The following CPB2 variants were observed in gnomAD, a reference collection of about 807,000 sequenced individuals.
CPB2 encodes carboxypeptidase B-like protein.
CPB2 carries 54 observed loss-of-function variants against 57.0 expected under a neutral mutation model. The observed-to-expected ratio is 0.95, with a 90% CI of 0.76 to 1.19. The LOEUF (loss-of-function observed/expected upper bound fraction) is 1.19, where lower values mean the gene tolerates loss of function less well. CPB2 is among the 50% of genes most tolerant of loss of function. The pLI, the probability that CPB2 is intolerant of heterozygous loss-of-function variation, is 0.00. For missense variants in CPB2, 426 were observed against 512.0 expected (o/e 0.83, Z 1.62); for synonymous variants, 189 against 178.1 (o/e 1.06, Z -0.49).
intron 2 of CPB2, 25 bp from the exon 3 acceptor site, chr13:46,084,368 TAA>T: frequency 6.2e-7 from 1 of 1,611,430 alleles, no homozygotes; most frequent in South Asian, 1.1e-5. Context: ...GCAAAATTGA[TAA>T]AATTAAAAAA....
intron 4 of CPB2, among the ~76,000 whole-genome samples, chr13:46,080,717 T>C (rs1163139423): frequency 6.6e-6 from 1 of 152,068 alleles, no homozygotes; most frequent in Non-Finnish European, 1.5e-5. Context: ...ACACCTGTAA[T>C]CCTAGAATTT....
chr13:46,089,150 C>CTT (rs5803328), intron 1 of CPB2, among the ~76,000 whole-genome samples: 16 of 150,782 alleles, frequency 1.1e-4, no homozygotes, highest in Non-Finnish European at 2.1e-4. Flanking sequence ...AAATAGACTT[C>CTT]TTTTTTTTTC....
rs758445356 is a variant in CPB2, at chr13:46,082,484, C to T, written c.341G>A (p.Arg114Gln). The change falls in exon 4 of 11, where the codon CGA becomes CAA. Residue 114 changes from arginine (R) to glutamine (Q), a missense_variant. By Grantham distance (43) the Arg-to-Gln change is conservative. Coordinates refer to ENST00000181383, the MANE Select transcript of CPB2 (RefSeq NM_001872.5). ...CTGTTCATAGTACGATGCGGAGGCT[C>T]GGGGGCTGACTGTGTCGTTGGAAAT... Reference protein sequence around the residue: ...QQISNDTVSPRASASYYEQYH... With the variant: ...QQISNDTVSPQASASYYEQYH... 15 of 1,613,514 alleles carry T rather than the reference C, an allele frequency of 9.3e-6. No individual in the cohort carries two copies. The highest frequency in any genetic ancestry group is 5.3e-5 in the African/African-American group (4 of 74,884).
rs17844187 is a variant in CPB2, at chr13:46,088,638, C to G, written c.75-818G>C. Among the ~76,000 whole-genome samples, 1,369 of 152,230 alleles carry G rather than the reference C, an allele frequency of 9.0e-3. 20 individuals carry two copies. The highest frequency in any genetic ancestry group is 0.032 in the African/African-American group (1,318 of 41,514). On this transcript the variant is annotated intron_variant, in intron 1 of 10. Transcript: ENST00000181383. ...TTGTCAGTAGCAGTGGAAAAGATTT[C>G]CTGTTGTTCTTCCTCCTTGCCAATA...
chr13:46,057,935 T>C (rs1396047233), intron 9 of CPB2, among the ~76,000 whole-genome samples: 1 of 145,844 alleles, frequency 6.9e-6, no homozygotes, highest in African/African-American at 2.6e-5. Flanking sequence ...TCAAGGAATT[T>C]GTCTGACATT....
chr13:46,088,255 C>A (rs183476384), intron 1 of CPB2, among the ~76,000 whole-genome samples: 4 of 152,186 alleles, frequency 2.6e-5, no homozygotes, highest in African/African-American at 9.7e-5. Flanking sequence ...TGTCCTACCC[C>A]CTTGCCACAT....
At position 46,087,737 on chromosome 13, in the gene CPB2, GA is replaced by G; in HGVS notation, c.150+7del. ...AACCAATATAAACATAAATTAGGGA[GA>G]AATTACCTCATATGTTGTAGTAAGA... On this transcript the variant is annotated splice_region_variant and intron_variant, in intron 2 of 10. Coordinates refer to ENST00000181383, the MANE Select transcript of CPB2 (RefSeq NM_001872.5). 6.3e-7 allele frequency: 1 copy of G among 1,581,186 alleles called. No individual in the cohort carries two copies. The highest frequency in any genetic ancestry group is 8.7e-7 in the Non-Finnish European group (1 of 1,153,942).
At chr13:46,057,406 G>GA (rs202081535) in intron 9 of CPB2, among the ~76,000 whole-genome samples, 41 of 150,776 alleles carry the variant, frequency 2.7e-4, no homozygotes, top group African/African-American at 7.1e-4. Flanking sequence ...AAGAGAGCCA[G>GA]AAAAAAAAAT....
At chr13:46,060,893 G>C (rs753202339) in intron 8 of CPB2, among the ~76,000 whole-genome samples, 13 of 152,160 alleles carry the variant, frequency 8.5e-5, no homozygotes, top group Non-Finnish European at 1.8e-4. Flanking sequence ...TACCAGGAAG[G>C]AACTTGGGCC....
At chr13:46,090,693 G>A (rs2045279825) in intron 1 of CPB2, among the ~76,000 whole-genome samples, 1 of 147,882 alleles carries the variant, frequency 6.8e-6, no homozygotes. Context: ...CTTTCCAAAA[G>A]TTTTACAATT....
chr13:46,079,968 T>C (rs555546205), intron 4 of CPB2, among the ~76,000 whole-genome samples: 6 of 152,294 alleles, frequency 3.9e-5, no homozygotes, highest in South Asian at 2.1e-4. Flanking sequence ...AATTTCCTAA[T>C]TGAATCTCCA....
chr13:46,056,116 A>T (rs2044693858), intron 9 of CPB2, among the ~76,000 whole-genome samples: 1 of 152,046 alleles, frequency 6.6e-6, no homozygotes, highest in African/African-American at 2.4e-5. Context: ...TGCAGAAAAA[A>T]ATTATCACAT....
At chr13:46,098,786 G>C (rs17843995) in intron 1 of CPB2, 29,879 of 152,182 alleles carry the variant, frequency 0.2, 3,532 homozygotes, top group Non-Finnish European at 0.28. Context: ...GAACAGGTGA[G>C]GCCATAGTTG....
In CPB2 at chr13:46,104,825, G is replaced by A. The variant is rs11574982; in HGVS notation, c.74+111C>T. On this transcript the variant is annotated intron_variant, in intron 1 of 10. Transcript: ENST00000181383. The stretch of plus-strand genomic sequence containing the variant: ...AACTTGGAAAGTTCTGAAAGACCTG[G>A]CCTTCAAAGTTTACCATTTTGTCCA... 4.2e-3 allele frequency: 5,225 copies of A among 1,236,870 alleles called. 137 individuals carry two copies. The African/African-American group carries it at 0.066, about 16-fold the overall frequency. 76.6% of individuals were successfully genotyped at this position (1,236,870 alleles called of 1,614,324 possible). A position where few individuals can be genotyped will look rare whatever the true frequency, so the allele number is the denominator to read the frequency against.
At chr13:46,053,889 G>A (rs2044633460) in intron 10 of CPB2, 91 bp from the exon 11 acceptor site, 1 of 1,281,664 alleles carries the variant, frequency 7.8e-7, no homozygotes, top group African/African-American at 1.5e-5. Flanking sequence ...TTATTTGTTT[G>A]TATACCTTTA....
chr13:46,078,817 G>C lies in CPB2; in HGVS notation c.469C>G (p.Pro157Ala). The C allele has an allele frequency of 1.2e-6, 2 of 1,605,130 alleles. No individual in the cohort carries two copies. ...IHIGSSFEKY[P>A]LYVLKVSGKE... ...CAACATACCTTTAAAACATAGAGTGGGTACTTCTCAAATGAGGATCCAATG... is the reference window on the plus strand; with the variant it reads ...CAACATACCTTTAAAACATAGAGTGCGTACTTCTCAAATGAGGATCCAATG... The change falls in exon 5 of 11, where the codon CCA becomes GCA. Residue 157 changes from proline to alanine, a missense_variant. Transcript: ENST00000181383.
At position 46,071,010 on chromosome 13, in the gene CPB2, G is replaced by A. The variant is rs978114476; in HGVS notation, c.591+2863C>T. 2.0e-5 allele frequency among the ~76,000 whole-genome samples: 3 copies of A among 152,168 alleles called. No individual in the cohort carries two copies. In the East Asian group the frequency reaches 5.8e-4, roughly 29 times the overall value. ...CTCTGCCTTCAGAAAGCTAATAGAA[G>A]TGATAAGTTGGAAAGGGAAAAGCAG... On this transcript the variant is annotated intron_variant, in intron 6 of 10. Coordinates refer to ENST00000181383, the MANE Select transcript of CPB2 (RefSeq NM_001872.5).
chr13:46,059,460 CA>C (rs1236967548), intron 8 of CPB2, among the ~76,000 whole-genome samples: 1 of 152,094 alleles, frequency 6.6e-6, no homozygotes, highest in Non-Finnish European at 1.5e-5. Context: ...TCCTTATCTG[CA>C]AAATTGAAAA....
chr13:46,069,660 G>A (rs1298447301), intron 6 of CPB2, among the ~76,000 whole-genome samples: 1 of 152,138 alleles, frequency 6.6e-6, no homozygotes, highest in Admixed American at 6.5e-5. Context: ...CTATGTTGTA[G>A]CATGAATCAG....
Sources: allele counts gnomAD v4.1 joint callset (sites outside exome capture counted in the v4.1 genomes callset), GRCh38; gene constraint gnomAD v4.1.1; transcripts MANE v1.5; gene names NCBI Gene and HGNC (gene_info 2026-07-23, HGNC 2026-07-21).